MYH10: variants seen among roughly 807,000 people sequenced by gnomAD.
MYH10 encodes the protein myosin heavy chain 10, also known as myosin-10.
MYH10 carries 55 observed loss-of-function variants against 257.8 expected under a neutral mutation model. The observed-to-expected ratio is 0.21, with a 90% CI of 0.17 to 0.27. MYH10 has a LOEUF of 0.27. MYH10 is among the 10% of genes least tolerant of loss of function. The pLI is 1.00. For synonymous variants in MYH10, 854 were observed against 921.7 expected (o/e 0.93, Z 1.33); for missense variants, 1,631 against 2,500.6 (o/e 0.65, Z 7.42).
chr17:8,499,885 C>A (rs1917247933), intron 29 of MYH10, among the ~76,000 whole-genome samples: 1 of 152,186 alleles, frequency 6.6e-6, no homozygotes, highest in African/African-American at 2.4e-5. Context: ...CAATGACATC[C>A]TGCCTCAGGG....
chr17:8,517,215 C>T (rs1026216670), intron 21 of MYH10, among the ~76,000 whole-genome samples: 1 of 152,164 alleles, frequency 6.6e-6, no homozygotes, highest in Non-Finnish European at 1.5e-5. Flanking sequence ...CCGAAGATAT[C>T]ATCTATTTGT....
rs144259360 is a variant in MYH10, at chr17:8,490,386, G to A, written c.4838C>T (p.Thr1613Ile). ...CTTCTCTTCATTCTGCTCATCCCTGGTTTGCAGGTCTCTCTCGAACTGCGC... is the reference window on the plus strand; with the variant it reads ...CTTCTCTTCATTCTGCTCATCCCTGATTTGCAGGTCTCTCTCGAACTGCGC... ...MKAQFERDLQTRDEQNEEKKR... is the reference protein window; with the variant it reads ...MKAQFERDLQIRDEQNEEKKR... Residue 1613 changes from threonine to isoleucine, a missense_variant, in exon 35 of 43, where the codon ACC becomes ATC. Physicochemically the swap from Thr to Ile is moderately conservative, Grantham distance 89 (BLOSUM62 -1). Around this residue, in one of 11 missense-constraint regions of MYH10, gnomAD observed 463 missense variants for 621.8 expected, o/e 0.74. Transcript: ENST00000360416. The surrounding 1 kb of genome is among the most constrained non-coding windows in gnomAD (Gnocchi z 4.1). 21 of 1,613,956 alleles carry A rather than the reference G, an allele frequency of 1.3e-5. No homozygotes were observed. The highest frequency in any genetic ancestry group is 1.6e-4 in the Middle Eastern group (1 of 6,084).
chr17:8,485,827 G>A (rs1914667741), intron 36 of MYH10, among the ~76,000 whole-genome samples: 1 of 152,076 alleles, frequency 6.6e-6, no homozygotes, highest in Non-Finnish European at 1.5e-5. Context: ...CCACTCCTAG[G>A]TATATTTCTG....
Position 8,520,945 on chromosome 17 carries a change from G to A in MYH10, c.2206C>T (p.Leu736=), listed in dbSNP as rs1482409815. 1.2e-6 allele frequency: 2 copies of A among 1,613,954 alleles called. No individual in the cohort carries two copies. The highest frequency in any genetic ancestry group is 1.7e-6 in the Non-Finnish European group (2 of 1,179,842). The change falls in exon 19 of 43, where the codon CTG becomes TTG. Residue 736 remains leucine (L), a synonymous_variant. Coordinates refer to ENST00000360416, the MANE Select transcript of MYH10 (RefSeq NM_001256012.3). ...TGGCGACAGATTCGGATCCCTTCCA[G>A]GACACCGTTACAGCGAAGCTGATCT... ...VLDQLRCNGV[L]EGIRICRQGF...
At position 8,581,150 on chromosome 17, in the gene MYH10, T is replaced by A. The variant is rs923766082; in HGVS notation, c.531-3812A>T. Reference sequence around the variant, plus strand: ...GGGAGGGAGTGGCGAGAGAGGCAGATGGAGCAGGAAGGGGAGGGGTGCCAT... The same window carrying A: ...GGGAGGGAGTGGCGAGAGAGGCAGAAGGAGCAGGAAGGGGAGGGGTGCCAT... On this transcript the variant is annotated intron_variant, in intron 4 of 42. Transcript: ENST00000360416. 4.0e-5 allele frequency among the ~76,000 whole-genome samples: 6 copies of A among 151,858 alleles called. No homozygotes were observed. In the East Asian group the frequency reaches 1.2e-3, roughly 29 times the overall value.
chr17:8,550,115 C>T (rs1327401082), intron 9 of MYH10, among the ~76,000 whole-genome samples: 3 of 150,738 alleles, frequency 2.0e-5, no homozygotes, highest in Non-Finnish European at 4.4e-5. Context: ...GCCACCCCGT[C>T]TGGGAAGTGA....
intron 5 of MYH10, 39 bp downstream of exon 5, chr17:8,577,197 G>A: frequency 6.8e-7 from 1 of 1,475,430 alleles, no homozygotes; most frequent in East Asian, 2.3e-5. Context: ...AATTATAAAA[G>A]AAGAAGAAGA....
At chr17:8,518,021 G>T (rs2081524728) in intron 21 of MYH10, among the ~76,000 whole-genome samples, 1 of 70,528 alleles carries the variant, frequency 1.4e-5, no homozygotes, top group African/African-American at 4.8e-5. Flanking sequence ...ATACCCCTTG[G>T]CCCCGTGTGT....
Position 8,494,460 on chromosome 17 carries a change from C to T in MYH10, c.4057-575G>A, listed in dbSNP as rs559609972. On this transcript the variant is annotated intron_variant, in intron 31 of 42. Coordinates refer to ENST00000360416, the MANE Select transcript of MYH10 (RefSeq NM_001256012.3). Reference sequence around the variant, plus strand: ...TCCTCTAGTCTCACTCACCAGGCCGCACCTTGTCATGCATGGGGTGTGCTT... The same window carrying T: ...TCCTCTAGTCTCACTCACCAGGCCGTACCTTGTCATGCATGGGGTGTGCTT... Among the ~76,000 whole-genome samples, 4 of 152,282 alleles carry T rather than the reference C, an allele frequency of 2.6e-5. No individual in the cohort carries two copies. The South Asian group carries it at 8.3e-4, about 32-fold the overall frequency.
intron 7 of MYH10, among the ~76,000 whole-genome samples, chr17:8,558,282 G>A (rs190727434): frequency 6.6e-6 from 1 of 152,236 alleles, no homozygotes; most frequent in Non-Finnish European, 1.5e-5. Flanking sequence ...CACTGAGGCT[G>A]TGCTTTTTCA....
intron 2 of MYH10, among the ~76,000 whole-genome samples, chr17:8,617,666 A>G (rs1284361419): frequency 6.6e-6 from 1 of 152,196 alleles, no homozygotes; most frequent in Non-Finnish European, 1.5e-5. Context: ...GTACATGTAT[A>G]TGGCTGTTCA....
chr17:8,628,770 T>A (rs1480027111), intron 1 of MYH10, among the ~76,000 whole-genome samples: 1 of 152,148 alleles, frequency 6.6e-6, no homozygotes, highest in South Asian at 2.1e-4. Flanking sequence ...ATTCCTCACA[T>A]GTGATAAAGT....
rs2082404673 is a variant in MYH10, at chr17:8,545,101, T to C, written c.1431+347A>G. Among the ~76,000 whole-genome samples, 2 of 152,330 alleles carry C rather than the reference T, an allele frequency of 1.3e-5. No individual in the cohort carries two copies. The highest frequency in any genetic ancestry group is 1.3e-4 in the Admixed American group (2 of 15,308). On this transcript the variant is annotated intron_variant, in intron 13 of 42. Transcript: ENST00000360416. This position sits in a 1 kb window ranked among gnomAD's most constrained non-coding sequence, Gnocchi z 4.7. ...CTAGCAGCTTAGAACATTTGTTAAG[T>C]TCTGTCCCATACAGGACCACTGGAA...
At position 8,571,323 on chromosome 17, in the gene MYH10, C is replaced by A. The variant is rs576813739; in HGVS notation, c.664-1511G>T. 8.7e-4 allele frequency among the ~76,000 whole-genome samples: 132 copies of A among 151,480 alleles called. 1 individual carries two copies. The highest frequency in any genetic ancestry group is 2.8e-3 in the African/African-American group (115 of 41,324). On this transcript the variant is annotated intron_variant, in intron 6 of 42. Transcript: ENST00000360416. ...CCGAGTAGCTGGGACTACAGGCACC[C>A]GCCACCATGCCCGGCTAATTTTTTG... is the stretch of plus-strand genomic sequence containing the variant.
intron 7 of MYH10, among the ~76,000 whole-genome samples, chr17:8,555,959 AG>A (rs2082779009): frequency 1.3e-5 from 2 of 152,230 alleles, no homozygotes; most frequent in African/African-American, 4.8e-5. Context: ...CAACCCAATA[AG>A]AAAACAGGGT....
At chr17:8,495,268 A>C in intron 30 of MYH10, 27 bp from the exon 31 acceptor site, 1 of 1,396,224 alleles carries the variant, frequency 7.2e-7, no homozygotes, top group Non-Finnish European at 1.0e-6. Context: ...ATTAAATTCA[A>C]CTCAATAGTA....
chr17:8,476,043 T>A, intron 42 of MYH10, 95 bp from the exon 43 acceptor site: 1 of 1,379,554 alleles, frequency 7.2e-7, no homozygotes, highest in Admixed American at 2.3e-5. Context: ...AACCTTCCCC[T>A]TGCACCCCCT....
intron 2 of MYH10, among the ~76,000 whole-genome samples, chr17:8,621,071 A>G (rs1464847449): frequency 6.6e-6 from 1 of 152,128 alleles, no homozygotes; most frequent in Non-Finnish European, 1.5e-5. Context: ...TCTACTTAGC[A>G]CCCTTTGCAG....
chr17:8,484,413 C>G (rs956500452), intron 36 of MYH10, 147 bp from the exon 37 acceptor site: 1 of 642,638 alleles, frequency 1.6e-6, no homozygotes, highest in Non-Finnish European at 2.5e-6. Flanking sequence ...CAAGTGTGAG[C>G]TGCGGTGCCT....
Sources: allele counts gnomAD v4.1 joint callset (sites outside exome capture counted in the v4.1 genomes callset), GRCh38; gene constraint gnomAD v4.1.1; regional missense constraint gnomAD v4.1.1; non-coding constraint Gnocchi (gnomAD v3.1); transcripts MANE v1.5; gene names NCBI Gene and HGNC (gene_info 2026-07-23, HGNC 2026-07-21).